Variants in CPNE8 observed in about 807,000 individuals in gnomAD.
CPNE8 encodes copine 8, also known as copine-8.
Under a neutral mutation model 81.5 loss-of-function variants are expected in CPNE8, and 45 were observed. The observed-to-expected ratio is 0.55, with a 90% CI of 0.44 to 0.71. The LOEUF is 0.71. CPNE8 is among the 30% of genes least tolerant of loss of function. The pLI is 0.00. For missense variants in CPNE8, 594 were observed against 672.1 expected, an observed-to-expected ratio of 0.88 and a Z score of 1.28; for synonymous variants, 252 against 226.3, an observed-to-expected ratio of 1.11 and a Z score of -1.02.
Position 38,827,622 on chromosome 12 carries a change from T to C in CPNE8, c.407+1757A>G, listed in dbSNP as rs372121317. On this transcript the variant is annotated intron_variant, in intron 6 of 19. Transcript: ENST00000331366. ...AATAAAATGTGGTAAATATACAACA[T>C]GGAATATTATATAGACATAAAAAAG... Among the ~76,000 whole-genome samples the C allele has an allele frequency of 2.0e-4, 31 of 152,292 alleles. No individual in the cohort carries two copies. In the South Asian group the frequency reaches 6.4e-3, roughly 32 times the overall value.
chr12:38,700,922 C>G lies in CPNE8; in HGVS notation c.961+1953G>C, dbSNP rs73099111. ...CCTTCTGTCATGATTGTGAGGCCTCCCTAGCCATGTAGAACTGTGAGTGAA... is the reference window on the plus strand; with the variant it reads ...CCTTCTGTCATGATTGTGAGGCCTCGCTAGCCATGTAGAACTGTGAGTGAA... On this transcript the variant is annotated intron_variant, in intron 14 of 19. Coordinates refer to ENST00000331366, the MANE Select transcript of CPNE8 (RefSeq NM_153634.3). Among the ~76,000 whole-genome samples the G allele has an allele frequency of 7.3e-3, 1,112 of 152,236 alleles. 11 individuals carry two copies. Among genetic ancestry groups the G allele is most frequent in the African/African-American group, 0.021 (856 of 41,534 alleles).
At chr12:38,704,838 A>ATATATATATATATGTG (rs1565575608) in intron 13 of CPNE8, among the ~76,000 whole-genome samples, 3 of 32,574 alleles carry the variant, frequency 9.2e-5, no homozygotes, top group Admixed American at 3.9e-4. Flanking sequence ...ATATATATAT[A>ATATATATATATATGTG]TATATATATA....
chr12:38,742,577 T>A (rs1346405657), intron 10 of CPNE8, among the ~76,000 whole-genome samples: 2 of 151,402 alleles, frequency 1.3e-5, no homozygotes, highest in Non-Finnish European at 2.9e-5. Flanking sequence ...ATACCTAATG[T>A]AAATGACGAG....
At chr12:38,752,369 C>T (rs558446818) in intron 10 of CPNE8, among the ~76,000 whole-genome samples, 1 of 152,132 alleles carries the variant, frequency 6.6e-6, no homozygotes, top group Non-Finnish European at 1.5e-5. Context: ...TCTATCTACC[C>T]TCCCACTGAT....
In CPNE8 at chr12:38,847,861, T is replaced by A. The variant is rs540761795; in HGVS notation, c.290+698A>T. The stretch of plus-strand genomic sequence containing the variant: ...TTAAAATAAGACATTTATCTTTTAA[T>A]GTTCATGAATTTCCTTTAATTATTT... On this transcript the variant is annotated intron_variant, in intron 4 of 19. Transcript: ENST00000331366. Among the ~76,000 whole-genome samples the A allele has an allele frequency of 1.1e-3, 164 of 152,310 alleles. 1 individual carries two copies. The highest frequency in any genetic ancestry group is 3.8e-3 in the African/African-American group (156 of 41,574).
rs1477786724 is a variant in CPNE8 at position 38,693,650 on chromosome 12, T to C, written c.1143+7A>G. The stretch of plus-strand genomic sequence containing the variant: ...CAAAACATCAAATCCTTTTGACAAA[T>C]TCTTACCAAAGCAAATTCGTGAGAT... On this transcript the variant is annotated splice_region_variant and intron_variant, in intron 15 of 19. Coordinates refer to ENST00000331366, the MANE Select transcript of CPNE8 (RefSeq NM_153634.3). The C allele has an allele frequency of 5.6e-6, 9 of 1,605,550 alleles. No individual in the cohort carries two copies. Among genetic ancestry groups the C allele is most frequent in the Non-Finnish European group, 7.7e-6 (9 of 1,176,220 alleles).
chr12:38,874,902 A>G (rs1381290579), intron 1 of CPNE8, among the ~76,000 whole-genome samples: 1 of 152,174 alleles, frequency 6.6e-6, no homozygotes, highest in East Asian at 1.9e-4. Context: ...TATTAATGCA[A>G]AATTGTTTGC....
chr12:38,710,898 C>T (rs759304560), intron 13 of CPNE8, among the ~76,000 whole-genome samples: 17 of 152,210 alleles, frequency 1.1e-4, no homozygotes, highest in South Asian at 2.1e-4. Context: ...CTTTCCCACT[C>T]TACTACCTCC....
chr12:38,717,743 T>G (rs1940441631), intron 13 of CPNE8, among the ~76,000 whole-genome samples: 1 of 150,980 alleles, frequency 6.6e-6, no homozygotes, highest in African/African-American at 2.4e-5. Flanking sequence ...TGCACTAAAA[T>G]CTCAAAAATC....
rs59991714 is a variant in CPNE8 at position 38,794,176 on chromosome 12, C to T, written c.408-17875G>A. Among the ~76,000 whole-genome samples the T allele has an allele frequency of 1.8e-3, 266 of 151,964 alleles. 1 individual carries two copies. In the East Asian group the frequency reaches 0.046, roughly 26 times the overall value. On this transcript the variant is annotated intron_variant, in intron 6 of 19. Transcript: ENST00000331366. ...GATACGACACCAAAAGTACAGGCAA[C>T]GAAAAGCAAAAATAGACAAATGGGG...
chr12:38,879,149 C>A (rs528308418), intron 1 of CPNE8, among the ~76,000 whole-genome samples: 1 of 152,086 alleles, frequency 6.6e-6, no homozygotes, highest in Non-Finnish European at 1.5e-5. Flanking sequence ...GGCAAAACTC[C>A]AACCAGCCTG....
At chr12:38,873,456 C>T (rs1944021090) in intron 2 of CPNE8, among the ~76,000 whole-genome samples, 1 of 152,124 alleles carries the variant, frequency 6.6e-6, no homozygotes, top group Non-Finnish European at 1.5e-5. Context: ...GCAAGTCATG[C>T]TCTACATTTA....
chr12:38,817,748 C>T (rs529429205), intron 6 of CPNE8, among the ~76,000 whole-genome samples: 11 of 151,338 alleles, frequency 7.3e-5, no homozygotes, highest in South Asian at 2.1e-4. Flanking sequence ...CTCAGCCTCC[C>T]GAGTAGCTGG....
chr12:38,756,050 A>AAAAAC (rs1941452813), intron 10 of CPNE8, among the ~76,000 whole-genome samples: 1 of 150,596 alleles, frequency 6.6e-6, no homozygotes, highest in African/African-American at 2.4e-5. Flanking sequence ...AAAAAAAAAA[A>AAAAAC]AAAAAGAACA....
intron 15 of CPNE8, among the ~76,000 whole-genome samples, chr12:38,690,159 A>T (rs1389353206): frequency 6.6e-6 from 1 of 152,190 alleles, no homozygotes; most frequent in Non-Finnish European, 1.5e-5. Flanking sequence ...GTTAGAGAAC[A>T]TATATCACAA....
chr12:38,692,878 A>G (rs905545787), intron 15 of CPNE8, among the ~76,000 whole-genome samples: 3 of 152,210 alleles, frequency 2.0e-5, no homozygotes, highest in South Asian at 4.1e-4. Flanking sequence ...TGTTGCAGAA[A>G]TAACATTTTG....
intron 1 of CPNE8, among the ~76,000 whole-genome samples, chr12:38,895,960 A>G (rs1944382954): frequency 6.6e-6 from 1 of 152,034 alleles, no homozygotes; most frequent in Non-Finnish European, 1.5e-5. Context: ...CTAAACCTCA[A>G]TTTCTTCACT....
In CPNE8 at chr12:38,814,309, C is replaced by CTTTTTT. The variant is rs61444154; in HGVS notation, c.407+15064_407+15069dup. On this transcript the variant is annotated intron_variant, in intron 6 of 19. Transcript: ENST00000331366. ...AGAAAGTTTAAGGAGCCAGACCTGG[C>CTTTTTT]TTTTTTTTTTTTTTTTTTTTTTTTT... Among the ~76,000 whole-genome samples, 5 of 49,170 alleles carry CTTTTTT rather than the reference C, an allele frequency of 1.0e-4. 1 individual carries two copies. Among genetic ancestry groups the CTTTTTT allele is most frequent in the Non-Finnish European group, 1.4e-4 (4 of 28,842 alleles). 32.3% of individuals were successfully genotyped at this position (49,170 alleles called of 152,430 possible).
intron 6 of CPNE8, among the ~76,000 whole-genome samples, chr12:38,776,562 G>A (rs115530017): frequency 0.023 from 3,530 of 151,628 alleles, 139 homozygotes; most frequent in African/African-American, 0.082. Context: ...CGCTCCCCTC[G>A]GCCTCCCAAA....
Sources: gnomAD v4.1 joint callset for allele counts (sites outside exome capture counted in the v4.1 genomes callset) on GRCh38, gnomAD v4.1.1 for gene constraint, MANE v1.5 for transcripts, NCBI Gene and HGNC (gene_info 2026-07-23, HGNC 2026-07-21) for gene names.